The following SUSD1 variants were observed in gnomAD, a reference collection of about 807,000 sequenced individuals.
The protein encoded by SUSD1 is sushi domain containing 1, also known as sushi domain-containing protein 1.
Under a neutral mutation model 86.9 loss-of-function variants are expected in SUSD1, and 65 were observed. The ratio of observed to expected loss-of-function variants is 0.75; its 90% CI spans 0.61 to 0.92. The LOEUF is 0.92. Ranked by LOEUF, SUSD1 falls within the 40% of genes least tolerant of loss-of-function variation. The pLI is 0.00. For missense variants in SUSD1, 850 were observed against 929.7 expected (o/e 0.91, Z 1.11); for synonymous variants, 346 against 350.0 (o/e 0.99, Z 0.13).
chr9:112,068,052 A>G (rs1829069201), intron 12 of SUSD1, among the ~76,000 whole-genome samples: 1 of 152,184 alleles, frequency 6.6e-6, no homozygotes, highest in African/African-American at 2.4e-5. Context: ...CCTCTGCCGC[A>G]GGCTCTGTGC....
At chr9:112,174,636 C>T (rs934387426) in intron 1 of SUSD1, among the ~76,000 whole-genome samples, 1 of 152,238 alleles carries the variant, frequency 6.6e-6, no homozygotes, top group Admixed American at 6.5e-5. Context: ...CTCTTCCTTA[C>T]GCGTCTTTCT....
At chr9:112,168,033 C>T (rs1405241794) in intron 1 of SUSD1, among the ~76,000 whole-genome samples, 1 of 152,188 alleles carries the variant, frequency 6.6e-6, no homozygotes, top group Non-Finnish European at 1.5e-5. Flanking sequence ...ATCATCTCTC[C>T]CTGGGTCCCT....
chr9:112,165,941 A>AGAAAGAAGAAAGAAAGAAAG (rs1564358109), intron 1 of SUSD1, among the ~76,000 whole-genome samples: 10 of 76,014 alleles, frequency 1.3e-4, no homozygotes, highest in African/African-American at 4.4e-4. Context: ...AAAGAAAGAA[A>AGAAAGAAGAAAGAAAGAAAG]GAAGAAAGAA....
chr9:112,121,357 T>C (rs2131678498), intron 6 of SUSD1, among the ~76,000 whole-genome samples: 1 of 152,324 alleles, frequency 6.6e-6, no homozygotes, highest in South Asian at 2.1e-4. Flanking sequence ...ATCCCAAGAA[T>C]GCTTTACTCA....
At chr9:112,143,356 T>C (rs1832666432) in intron 4 of SUSD1, 115 bp downstream of exon 4, 3 of 1,051,980 alleles carry the variant, frequency 2.9e-6, no homozygotes, top group Non-Finnish European at 4.1e-6. Context: ...TTGTACAAAA[T>C]GTGCAAAGGA....
intron 8 of SUSD1, among the ~76,000 whole-genome samples, chr9:112,108,321 A>T (rs1830932730): frequency 6.6e-6 from 1 of 152,254 alleles, no homozygotes; most frequent in South Asian, 2.1e-4. Flanking sequence ...AGAAAGAAAC[A>T]TTAAAGACTT....
chr9:112,160,858 A>C (rs1364337639), intron 1 of SUSD1, among the ~76,000 whole-genome samples: 1 of 152,192 alleles, frequency 6.6e-6, no homozygotes, highest in African/African-American at 2.4e-5. Context: ...GGAGTAGTTA[A>C]ATGCCTGGAT....
intron 1 of SUSD1, among the ~76,000 whole-genome samples, chr9:112,159,326 A>G (rs1833468396): frequency 6.6e-6 from 1 of 152,186 alleles, no homozygotes; most frequent in Admixed American, 6.5e-5. Context: ...CCTAGCCCTT[A>G]GGCTGCTCCA....
At chr9:112,053,513 C>CAAAAAAAAAAAAAAAAA (rs56987871) in intron 14 of SUSD1, among the ~76,000 whole-genome samples, 1 of 77,666 alleles carries the variant, frequency 1.3e-5, no homozygotes, top group Non-Finnish European at 2.2e-5. Flanking sequence ...GACTTCGTCT[C>CAAAAAAAAAAAAAAAAA]AAAAAAAAAA....
intron 1 of SUSD1, among the ~76,000 whole-genome samples, chr9:112,159,442 C>T (rs1355595346): frequency 6.6e-6 from 1 of 152,194 alleles, no homozygotes; most frequent in Admixed American, 6.5e-5. Context: ...AGACAAACCG[C>T]TAATCATCAC....
At chr9:112,063,981 T>C (rs1321511119) in intron 12 of SUSD1, among the ~76,000 whole-genome samples, 2 of 150,688 alleles carry the variant, frequency 1.3e-5, no homozygotes. Context: ...TCCATCCCTG[T>C]GATTTGTGAA....
intron 2 of SUSD1, among the ~76,000 whole-genome samples, chr9:112,156,475 A>AC (rs1306023112): frequency 4.0e-5 from 6 of 151,848 alleles, no homozygotes; most frequent in African/African-American, 1.5e-4. Context: ...AAAAAAAAAA[A>AC]TACTCACTGA....
At chr9:112,165,377 G>A (rs1833738802) in intron 1 of SUSD1, among the ~76,000 whole-genome samples, 1 of 142,846 alleles carries the variant, frequency 7.0e-6, no homozygotes, top group Admixed American at 7.0e-5. Flanking sequence ...CTGTTGTGGT[G>A]TTGTGCTATC....
chr9:112,091,239 T>C (rs1374689810), intron 10 of SUSD1, among the ~76,000 whole-genome samples: 1 of 152,204 alleles, frequency 6.6e-6, no homozygotes, highest in Non-Finnish European at 1.5e-5. Context: ...AATACTGTTA[T>C]AATATTTATC....
chr9:112,158,558 A>G (rs1440359109), intron 1 of SUSD1, among the ~76,000 whole-genome samples: 1 of 151,800 alleles, frequency 6.6e-6, no homozygotes, highest in Non-Finnish European at 1.5e-5. Flanking sequence ...CACCCATCTA[A>G]TTTTTGTATT....
intron 14 of SUSD1, among the ~76,000 whole-genome samples, chr9:112,056,645 T>C (rs1828462327): frequency 6.6e-6 from 1 of 152,210 alleles, no homozygotes; most frequent in African/African-American, 2.4e-5. Flanking sequence ...CATATTCTTC[T>C]GTTCAGCTAC....
At chr9:112,160,653 T>C (rs1251502087) in intron 1 of SUSD1, among the ~76,000 whole-genome samples, 1 of 152,100 alleles carries the variant, frequency 6.6e-6, no homozygotes, top group East Asian at 1.9e-4. Flanking sequence ...TTGAGACTAA[T>C]CCTGGGCAAC....
intron 10 of SUSD1, among the ~76,000 whole-genome samples, chr9:112,086,873 C>T (rs1400023671): frequency 6.6e-6 from 1 of 151,856 alleles, no homozygotes; most frequent in African/African-American, 2.4e-5. Flanking sequence ...CTGCATTTCA[C>T]TCAGTGACAG....
intron 10 of SUSD1, among the ~76,000 whole-genome samples, chr9:112,080,796 T>C (rs1035367725): frequency 6.6e-6 from 1 of 152,190 alleles, no homozygotes; most frequent in African/African-American, 2.4e-5. Context: ...TCCTGGACCT[T>C]GTATACCCTC....
Sources: gnomAD v4.1 joint callset for allele counts (sites outside exome capture counted in the v4.1 genomes callset) on GRCh38, gnomAD v4.1.1 for gene constraint, MANE v1.5 for transcripts, NCBI Gene and HGNC (gene_info 2026-07-23, HGNC 2026-07-21) for gene names.